FGD4: variants seen among roughly 807,000 people sequenced by gnomAD.
The protein encoded by FGD4 is FYVE, RhoGEF and PH domain containing 4.
A neutral mutation model predicts 102.0 loss-of-function variants in FGD4; 42 were observed. The observed-to-expected ratio is 0.41, with a 90% CI of 0.32 to 0.53. FGD4 has a LOEUF of 0.53. Ranked by LOEUF, FGD4 falls within the 20% of genes least tolerant of loss-of-function variation. The pLI, the probability that FGD4 is intolerant of heterozygous loss-of-function variation, is 0.21. For synonymous variants in FGD4, 380 were observed against 375.7 expected (o/e 1.01, Z -0.13); for missense variants, 902 against 1,078.2 (o/e 0.84, Z 2.29).
At position 32,643,320 on chromosome 12, in the gene FGD4, A is replaced by G. The variant is rs1376760521; in HGVS notation, c.*2787A>G. 6.6e-6 allele frequency: 1 copy of G among 152,524 alleles called. No homozygotes were observed. Among genetic ancestry groups the G allele is most frequent in the Non-Finnish European group, 1.5e-5 (1 of 67,940 alleles). 9.4% of individuals were successfully genotyped at this position (152,524 alleles called of 1,614,324 possible). ...ATAAAACTCTTTAGGGTATGGTTTT[A>G]TACTGAAAATTTAATATGAAGGCCC... On this transcript the variant is annotated 3_prime_UTR_variant, in exon 17 of 17. Coordinates refer to ENST00000534526, the MANE Select transcript of FGD4 (RefSeq NM_001370298.3).
At chr12:32,536,754 T>C (rs1240928219) in intron 1 of FGD4, among the ~76,000 whole-genome samples, 1 of 152,226 alleles carries the variant, frequency 6.6e-6, no homozygotes, top group African/African-American at 2.4e-5. Flanking sequence ...ATGGTGGTTA[T>C]TATAATAAAA....
intron 4 of FGD4, among the ~76,000 whole-genome samples, chr12:32,585,532 G>A (rs952365022): frequency 2.6e-5 from 4 of 151,828 alleles, no homozygotes; most frequent in African/African-American, 9.7e-5. Flanking sequence ...TACAGTAAGT[G>A]CTTTGGAAAT....
intron 1 of FGD4, among the ~76,000 whole-genome samples, chr12:32,557,150 G>GC (rs1405534775): frequency 6.6e-6 from 1 of 152,216 alleles, no homozygotes; most frequent in Non-Finnish European, 1.5e-5. Context: ...ACGATGCCCA[G>GC]CAGGGATATG....
chr12:32,492,242 A>G (rs556917785), intron 1 of FGD4, among the ~76,000 whole-genome samples: 1 of 152,358 alleles, frequency 6.6e-6, no homozygotes, highest in East Asian at 1.9e-4. Flanking sequence ...TAGGTTCATA[A>G]ACAGTGCCAA....
In FGD4 at chr12:32,645,768, A is replaced by G. The variant is rs1951376475; in HGVS notation, c.*5235A>G. The G allele has an allele frequency of 6.6e-6, 1 of 152,250 alleles. No homozygotes were observed. The allele number at this position is 152,250 out of a possible 1,614,324, so 9.4% of individuals were successfully genotyped here. On this transcript the variant is annotated 3_prime_UTR_variant, in exon 17 of 17. Coordinates refer to ENST00000534526, the MANE Select transcript of FGD4 (RefSeq NM_001370298.3). Reference sequence around the variant, plus strand: ...AGAGCAAGACTTCGACTCAAAAAATAAAATAAGCGTATCTGGATTTTTCTT... The same window carrying G: ...AGAGCAAGACTTCGACTCAAAAAATGAAATAAGCGTATCTGGATTTTTCTT...
chr12:32,453,485 C>T (rs941586582), intron 1 of FGD4, among the ~76,000 whole-genome samples: 6 of 151,654 alleles, frequency 4.0e-5, no homozygotes, highest in African/African-American at 7.3e-5. Context: ...CCACCTGCCT[C>T]GGCATCCCAA....
intron 1 of FGD4, among the ~76,000 whole-genome samples, chr12:32,511,022 G>T (rs1939308594): frequency 6.6e-6 from 1 of 152,186 alleles, no homozygotes; most frequent in Non-Finnish European, 1.5e-5. Context: ...ATCTTGAAGA[G>T]GGTGATAGGC....
intron 1 of FGD4, among the ~76,000 whole-genome samples, chr12:32,463,421 G>T (rs1943162896): frequency 1.3e-5 from 2 of 152,226 alleles, no homozygotes; most frequent in Non-Finnish European, 2.9e-5. Flanking sequence ...TGGGGCAACA[G>T]ATTAGGTTAC....
chr12:32,625,567 A>G (rs916829900), intron 13 of FGD4, 87 bp from the exon 14 acceptor site: 9 of 1,471,034 alleles, frequency 6.1e-6, no homozygotes, highest in Non-Finnish European at 8.3e-6. Flanking sequence ...TGGTTTGAGC[A>G]ATGTAGTTAA....
intron 1 of FGD4, among the ~76,000 whole-genome samples, chr12:32,458,241 C>A (rs1459118236): frequency 6.6e-6 from 1 of 151,906 alleles, no homozygotes; most frequent in Non-Finnish European, 1.5e-5. Context: ...GTGATCATTG[C>A]TCACTGCAGT....
chr12:32,537,113 T>C (rs1565815696), intron 1 of FGD4, among the ~76,000 whole-genome samples: 1 of 152,126 alleles, frequency 6.6e-6, no homozygotes, highest in Non-Finnish European at 1.5e-5. Flanking sequence ...TTTCACCGTG[T>C]TAGCCAGGAT....
At chr12:32,561,101 T>TTTTTTTTTTTTTTG (rs1944542114) in intron 1 of FGD4, among the ~76,000 whole-genome samples, 1 of 128,736 alleles carries the variant, frequency 7.8e-6, no homozygotes, top group Non-Finnish European at 1.6e-5. Context: ...TTTTTTTTTT[T>TTTTTTTTTTTTTTG]GAGATGGAGT....
At chr12:32,524,240 C>CA (rs1375650078) in intron 1 of FGD4, among the ~76,000 whole-genome samples, 4 of 150,406 alleles carry the variant, frequency 2.7e-5, no homozygotes, top group African/African-American at 2.4e-5. Flanking sequence ...ACTAAAAATA[C>CA]AAAAAATTAG....
At position 32,399,967 on chromosome 12, in the gene FGD4, C is replaced by G. The variant is rs906309211; in HGVS notation, c.166+8C>G. The stretch of plus-strand genomic sequence containing the variant: ...TGCCCTCAGGAGCCACAGGTAAGCG[C>G]CTCGGGGCGCGGGGGAAGGGTGGCC... On this transcript the variant is annotated splice_region_variant and intron_variant, in intron 1 of 16. Coordinates refer to ENST00000534526, the MANE Select transcript of FGD4 (RefSeq NM_001370298.3). The G allele has an allele frequency of 6.9e-7, 1 of 1,453,452 alleles. No individual in the cohort carries two copies. The highest frequency in any genetic ancestry group is 9.0e-7 in the Non-Finnish European group (1 of 1,109,110). The allele number at this position is 1,453,452 out of a possible 1,614,324, so 90.0% of individuals were successfully genotyped here. A position where few individuals can be genotyped will look rare whatever the true frequency, so the allele number is the denominator to read the frequency against.
chr12:32,448,729 A>G (rs1325964649), intron 1 of FGD4, among the ~76,000 whole-genome samples: 1 of 151,590 alleles, frequency 6.6e-6, no homozygotes, highest in African/African-American at 2.4e-5. Flanking sequence ...AGCAGGGGGA[A>G]GGAAAGAAGA....
intron 1 of FGD4, among the ~76,000 whole-genome samples, chr12:32,532,210 A>C (rs1214159839): frequency 1.3e-5 from 2 of 152,262 alleles, no homozygotes; most frequent in Admixed American, 1.3e-4. Flanking sequence ...AACAATTATA[A>C]CAATATACTG....
chr12:32,455,948 G>C (rs905181721), intron 1 of FGD4, among the ~76,000 whole-genome samples: 1 of 152,112 alleles, frequency 6.6e-6, no homozygotes, highest in African/African-American at 2.4e-5. Context: ...TGTAGTAGTA[G>C]CATAACAATA....
chr12:32,458,152 A>AT (rs1443990077), intron 1 of FGD4, among the ~76,000 whole-genome samples: 4 of 150,766 alleles, frequency 2.7e-5, no homozygotes, highest in South Asian at 2.1e-4. Context: ...GGTAGCTGTG[A>AT]TTTTTTCTTT....
At chr12:32,525,330 T>C (rs1291619458) in intron 1 of FGD4, among the ~76,000 whole-genome samples, 2 of 152,232 alleles carry the variant, frequency 1.3e-5, no homozygotes, top group African/African-American at 2.4e-5. Context: ...AATCATAACA[T>C]CACACCACAT....
Sources: allele counts gnomAD v4.1 joint callset (sites outside exome capture counted in the v4.1 genomes callset), GRCh38; gene constraint gnomAD v4.1.1; transcripts MANE v1.5; gene names NCBI Gene and HGNC (gene_info 2026-07-23, HGNC 2026-07-21).